The following WDPCP variants were observed in gnomAD, a reference collection of about 807,000 sequenced individuals.
WDPCP encodes the protein WD repeat-containing and planar cell polarity effector protein fritz homolog.
Under a neutral mutation model 93.1 loss-of-function variants are expected in WDPCP, and 71 were observed. The ratio of observed to expected loss-of-function variants is 0.76; its 90% confidence interval spans 0.63 to 0.93. The LOEUF (loss-of-function observed/expected upper bound fraction) is 0.93, where lower values mean the gene tolerates loss of function less well. Among genes scored for constraint, WDPCP ranks in the 40% least tolerant of loss-of-function variants. WDPCP has a pLI of 0.00. For missense variants in WDPCP, 844 were observed against 887.4 expected, an observed-to-expected ratio of 0.95 and a Z score of 0.62; for synonymous variants, 315 against 315.0, an observed-to-expected ratio of 1.00 and a Z score of 0.00.
At chr2:63,482,809 A>G (rs995664306) in intron 6 of WDPCP, among the ~76,000 whole-genome samples, 68 of 152,088 alleles carry the variant, frequency 4.5e-4, no homozygotes, top group African/African-American at 1.5e-3. Context: ...AAATATCTTT[A>G]TAATCATAGA....
chr2:63,403,985 G>T (rs768644710), intron 10 of WDPCP, 63 bp downstream of exon 10: 1 of 1,598,322 alleles, frequency 6.3e-7, no homozygotes, highest in South Asian at 1.1e-5. Flanking sequence ...TAGTTTTATT[G>T]CCTTAATTAT....
intron 17 of WDPCP, among the ~76,000 whole-genome samples, chr2:63,151,875 G>C (rs960319355): frequency 1.3e-5 from 2 of 152,122 alleles, no homozygotes; most frequent in African/African-American, 4.8e-5. Context: ...GAATGAAGAA[G>C]TTGAGGCTTA....
intron 14 of WDPCP, chr2:63,232,565 G>A (rs536075141): frequency 1.3e-5 from 2 of 152,588 alleles, no homozygotes; most frequent in East Asian, 3.9e-4. Context: ...AGAAAATGGG[G>A]AAGACTCTCA....
At chr2:63,382,139 T>C in intron 10 of WDPCP, 45 bp from the exon 11 acceptor site, 4 of 1,559,514 alleles carry the variant, frequency 2.6e-6, no homozygotes, top group East Asian at 2.4e-5. Flanking sequence ...TAAAATAAAA[T>C]AGAATAACAA....
chr2:63,325,545 C>T (rs185112487), intron 12 of WDPCP, among the ~76,000 whole-genome samples: 5 of 152,304 alleles, frequency 3.3e-5, no homozygotes, highest in East Asian at 1.9e-4. Flanking sequence ...TCAGTGTTAA[C>T]CTTCTGTCCC....
intron 14 of WDPCP, among the ~76,000 whole-genome samples, chr2:63,251,122 A>G (rs1680678108): frequency 6.6e-6 from 1 of 152,232 alleles, no homozygotes; most frequent in Non-Finnish European, 1.5e-5. Context: ...AACTAATATC[A>G]GAGCAGAACT....
intron 14 of WDPCP, among the ~76,000 whole-genome samples, chr2:63,180,117 T>C (rs572482095): frequency 6.6e-5 from 10 of 152,284 alleles, no homozygotes; most frequent in Non-Finnish European, 1.2e-4. Flanking sequence ...TGTGAACACA[T>C]GGAAATAGAG....
At chr2:63,722,321 G>C (rs1478178663) in intron 2 of WDPCP, among the ~76,000 whole-genome samples, 2 of 151,184 alleles carry the variant, frequency 1.3e-5, no homozygotes, top group East Asian at 3.9e-4. Flanking sequence ...TCTAGGAAGT[G>C]AGGAGCGTCT....
At chr2:63,294,232 G>A (rs1473316496) in intron 13 of WDPCP, among the ~76,000 whole-genome samples, 1 of 152,178 alleles carries the variant, frequency 6.6e-6, no homozygotes, top group Admixed American at 6.5e-5. Flanking sequence ...GGCCAGGGAT[G>A]GTGGCTCATG....
chr2:63,642,711 G>A (rs1417235735), intron 3 of WDPCP: 1 of 151,758 alleles, frequency 6.6e-6, no homozygotes, highest in Non-Finnish European at 1.5e-5. Context: ...GCATATGTCT[G>A]TGTGTGTGTG....
intron 1 of WDPCP, among the ~76,000 whole-genome samples, chr2:63,827,266 A>G (rs1022256372): frequency 3.9e-5 from 6 of 151,990 alleles, no homozygotes; most frequent in Non-Finnish European, 8.8e-5. Flanking sequence ...ATTCTTCTCA[A>G]TCCTTCAGCT....
chr2:63,532,842 C>A (rs1224883805), intron 1 of WDPCP, among the ~76,000 whole-genome samples: 3 of 152,158 alleles, frequency 2.0e-5, no homozygotes, highest in Non-Finnish European at 4.4e-5. Flanking sequence ...ATGACAGGAT[C>A]AAATTAACAC....
At chr2:63,653,708 C>T (rs940881588) in intron 2 of WDPCP, among the ~76,000 whole-genome samples, 6 of 152,060 alleles carry the variant, frequency 3.9e-5, no homozygotes, top group South Asian at 2.1e-4. Context: ...GTCAGGAGTT[C>T]GTGACCAGCC....
chr2:63,296,268 C>A (rs1278515290), intron 13 of WDPCP, among the ~76,000 whole-genome samples: 1 of 149,588 alleles, frequency 6.7e-6, no homozygotes, highest in Non-Finnish European at 1.5e-5. Context: ...AAACCCTTGG[C>A]AAACTATGCA....
At chr2:63,584,251 T>C (rs1036380270) in intron 1 of WDPCP, among the ~76,000 whole-genome samples, 21 of 152,280 alleles carry the variant, frequency 1.4e-4, no homozygotes, top group Non-Finnish European at 1.9e-4. Flanking sequence ...CCCCGTCTCC[T>C]ACTCTCCTCC....
intron 2 of WDPCP, among the ~76,000 whole-genome samples, chr2:63,791,006 C>T (rs1053164959): frequency 1.3e-5 from 2 of 152,124 alleles, no homozygotes; most frequent in African/African-American, 4.8e-5. Flanking sequence ...ATAAAGAAAG[C>T]TGCTTTCTCT....
chr2:63,606,925 C>G, intron 3 of WDPCP: 1 of 1,612,694 alleles, frequency 6.2e-7, no homozygotes, highest in Non-Finnish European at 8.5e-7. Flanking sequence ...GAAGATGGAT[C>G]TTACTGCAAA....
chr2:63,243,407 C>G (rs1680014129), intron 14 of WDPCP, among the ~76,000 whole-genome samples: 1 of 151,894 alleles, frequency 6.6e-6, no homozygotes, highest in Non-Finnish European at 1.5e-5. Flanking sequence ...TTAATTTTCT[C>G]ACAGATTCTG....
intron 12 of WDPCP, among the ~76,000 whole-genome samples, chr2:63,344,961 A>G (rs147730834): frequency 6.3e-4 from 96 of 152,346 alleles, no homozygotes; most frequent in African/African-American, 2.1e-3. Flanking sequence ...AGCAGCTTCT[A>G]TCTTCATTAA....
Sources: allele counts gnomAD v4.1 joint callset (sites outside exome capture counted in the v4.1 genomes callset), GRCh38; gene constraint gnomAD v4.1.1; transcripts MANE v1.5; gene names NCBI Gene and HGNC (gene_info 2026-07-23, HGNC 2026-07-21).